Variants in FAT3 observed in about 807,000 individuals in gnomAD.
FAT3 encodes protocadherin Fat 3.
A neutral mutation model predicts 310.2 loss-of-function variants in FAT3; 95 were observed. That is an observed-to-expected ratio of 0.31 (90% CI 0.26 to 0.36). The LOEUF is 0.36. Among genes scored for constraint, FAT3 ranks in the 10% least tolerant of loss-of-function variants. The probability of loss-of-function intolerance (pLI) is 1.00; values close to 1 mark genes in which losing one functional copy is unlikely to be tolerated. For missense variants in FAT3, 5,408 were observed against 5,715.6 expected (o/e 0.95, Z 1.74); for synonymous variants, 2,314 against 2,192.9 (o/e 1.06, Z -1.54).
At chr11:92,777,359 C>T (rs1946624822) in intron 7 of FAT3, among the ~76,000 whole-genome samples, 1 of 152,152 alleles carries the variant, frequency 6.6e-6, no homozygotes, top group Admixed American at 6.6e-5. Flanking sequence ...CAGTTTTGTC[C>T]TATTCTCCCA....
At chr11:92,770,766 T>C (rs1296744749) in intron 6 of FAT3, among the ~76,000 whole-genome samples, 2 of 152,174 alleles carry the variant, frequency 1.3e-5, no homozygotes, top group Non-Finnish European at 2.9e-5. Flanking sequence ...CAGAGGTGCT[T>C]CGTACCCTTC....
chr11:92,521,938 C>T (rs763903575), intron 2 of FAT3, among the ~76,000 whole-genome samples: 1 of 151,980 alleles, frequency 6.6e-6, no homozygotes, highest in Non-Finnish European at 1.5e-5. Context: ...GCATTTATCC[C>T]CTCAGTACAG....
intron 19 of FAT3, among the ~76,000 whole-genome samples, chr11:92,847,918 A>AAC (rs112590185): frequency 0.05 from 7,445 of 148,866 alleles, 226 homozygotes; most frequent in African/African-American, 0.1. Flanking sequence ...CCTCCCCCCA[A>AAC]ACACACACAC....
intron 3 of FAT3, among the ~76,000 whole-genome samples, chr11:92,623,797 G>C (rs1012803967): frequency 6.6e-6 from 1 of 152,074 alleles, no homozygotes; most frequent in Non-Finnish European, 1.5e-5. Context: ...CAAAAAATTA[G>C]CTGGGCATTG....
intron 2 of FAT3, among the ~76,000 whole-genome samples, chr11:92,449,409 C>T (rs1033348790): frequency 2.6e-5 from 4 of 152,054 alleles, no homozygotes; most frequent in African/African-American, 9.7e-5. Context: ...GCAGTGGAAT[C>T]GGGTTCCCTA....
intron 13 of FAT3, among the ~76,000 whole-genome samples, chr11:92,827,246 C>G (rs912673465): frequency 1.6e-4 from 25 of 152,166 alleles, no homozygotes; most frequent in African/African-American, 5.6e-4. Context: ...CCTGAAGATT[C>G]TAATAGCTTG....
At chr11:92,634,031 A>G (rs1344362854) in intron 3 of FAT3, among the ~76,000 whole-genome samples, 2 of 152,216 alleles carry the variant, frequency 1.3e-5, no homozygotes, top group Non-Finnish European at 2.9e-5. Flanking sequence ...TTCAGTCCTT[A>G]TGACAAGGAA....
chr11:92,613,947 G>T (rs1261126024), intron 3 of FAT3, among the ~76,000 whole-genome samples: 1 of 152,006 alleles, frequency 6.6e-6, no homozygotes, highest in African/African-American at 2.4e-5. Context: ...TCTATTTTCT[G>T]TCTCTGTACA....
intron 3 of FAT3, among the ~76,000 whole-genome samples, chr11:92,624,713 T>G (rs943646414): frequency 6.6e-6 from 1 of 152,186 alleles, no homozygotes; most frequent in African/African-American, 2.4e-5. Flanking sequence ...AGAGTCTGGC[T>G]TGGGGGTGTT....
At chr11:92,721,435 C>T (rs1458700943) in intron 4 of FAT3, among the ~76,000 whole-genome samples, 6 of 152,062 alleles carry the variant, frequency 3.9e-5, no homozygotes, top group Admixed American at 3.9e-4. Context: ...CTCAGTAAAG[C>T]TAATTTTTTT....
intron 1 of FAT3, among the ~76,000 whole-genome samples, chr11:92,315,648 C>T (rs1327337023): frequency 2.6e-5 from 4 of 151,198 alleles, no homozygotes; most frequent in Non-Finnish European, 5.9e-5. Context: ...CTCAGCCTCC[C>T]GAGTAGCGGG....
intron 2 of FAT3, among the ~76,000 whole-genome samples, chr11:92,368,483 G>GA (rs1165867651): frequency 2.6e-5 from 4 of 152,088 alleles, no homozygotes; most frequent in Admixed American, 1.3e-4. Flanking sequence ...GTCAACAAAA[G>GA]AAAAAACTTA....
At chr11:92,275,142 T>C (rs1256622483) in intron 1 of FAT3, among the ~76,000 whole-genome samples, 1 of 152,086 alleles carries the variant, frequency 6.6e-6, no homozygotes. Flanking sequence ...ACACTGAAAG[T>C]AGGAGCCTCT....
intron 4 of FAT3, among the ~76,000 whole-genome samples, chr11:92,755,817 G>T (rs1945976948): frequency 6.6e-6 from 1 of 152,162 alleles, no homozygotes; most frequent in Admixed American, 6.5e-5. Context: ...GAGGATTTAG[G>T]TCATGGGGGA....
chr11:92,854,573 T>A (rs1948921264), intron 19 of FAT3, among the ~76,000 whole-genome samples: 1 of 152,250 alleles, frequency 6.6e-6, no homozygotes, highest in Non-Finnish European at 1.5e-5. Context: ...CCAAAACATG[T>A]GAATAAAAGG....
intron 2 of FAT3, among the ~76,000 whole-genome samples, chr11:92,507,935 G>T (rs74696554): frequency 0.011 from 1,607 of 152,128 alleles, 30 homozygotes; most frequent in African/African-American, 0.037. Flanking sequence ...CTATGTGATT[G>T]TGTCAACACT....
rs1261092368 is a variant in FAT3, at chr11:92,297,884, G to A, written c.-17-54212G>A. 3.9e-5 allele frequency among the ~76,000 whole-genome samples: 6 copies of A among 152,156 alleles called. No homozygotes were observed. The East Asian group carries it at 7.7e-4, about 20-fold the overall frequency. On this transcript the variant is annotated intron_variant, in intron 1 of 27. Transcript: ENST00000525166. ...TTGTCCACAATCTGTGGCAACTCTT[G>A]TTTTATTTGAATATTTTGGGAAAGT... is the stretch of plus-strand genomic sequence containing the variant.
At chr11:92,868,000 T>C (rs1402603808) in intron 22 of FAT3, among the ~76,000 whole-genome samples, 1 of 152,118 alleles carries the variant, frequency 6.6e-6, no homozygotes, top group African/African-American at 2.4e-5. Context: ...GATAAAAGAA[T>C]CCCTGACTTT....
chr11:92,356,161 T>G (rs1300430173), intron 2 of FAT3, among the ~76,000 whole-genome samples: 1 of 152,226 alleles, frequency 6.6e-6, no homozygotes, highest in African/African-American at 2.4e-5. Flanking sequence ...TACTTGTTAT[T>G]GTCGCTATTT....
Sources: allele counts gnomAD v4.1 joint callset (sites outside exome capture counted in the v4.1 genomes callset), GRCh38; gene constraint gnomAD v4.1.1; transcripts MANE v1.5; gene names NCBI Gene and HGNC (gene_info 2026-07-23, HGNC 2026-07-21).